The following ARMH3 variants were observed in gnomAD, a reference collection of about 807,000 sequenced individuals.
ARMH3 encodes armadillo-like helical domain-containing protein 3.
In ARMH3, 60 loss-of-function variants were observed where a neutral mutation model predicts 99.1. The observed-to-expected ratio is 0.61, with a 90% CI of 0.49 to 0.75. The LOEUF (loss-of-function observed/expected upper bound fraction) is 0.75. Ranked by LOEUF, ARMH3 falls within the 30% of genes least tolerant of loss-of-function variation. The pLI, the probability that ARMH3 is intolerant of heterozygous loss-of-function variation, is 0.00. For missense variants in ARMH3, 679 were observed against 843.1 expected, an observed-to-expected ratio of 0.81 and a Z score of 2.41; for synonymous variants, 285 against 292.8, an observed-to-expected ratio of 0.97 and a Z score of 0.27.
At chr10:101,993,199 A>G (rs1846883392) in intron 17 of ARMH3, among the ~76,000 whole-genome samples, 1 of 151,464 alleles carries the variant, frequency 6.6e-6, no homozygotes, top group Non-Finnish European at 1.5e-5. Flanking sequence ...TGAGCCCAAG[A>G]GGCAGAGGTT....
At chr10:102,007,225 A>T (rs2066519741) in intron 13 of ARMH3, among the ~76,000 whole-genome samples, 1 of 146,842 alleles carries the variant, frequency 6.8e-6, no homozygotes, top group South Asian at 2.2e-4. Context: ...CGTTCTCATG[A>T]GTACTTGATT....
chr10:102,025,149 C>A lies in ARMH3; in HGVS notation c.507+7G>T. On this transcript the variant is annotated splice_region_variant and intron_variant, in intron 6 of 25. Transcript: ENST00000370033. Reference sequence around the variant, plus strand: ...ATTAATACCCTTGACAAACATAGGTCACTTACGGTCACTAAGCAAAGGAGA... The same window carrying A: ...ATTAATACCCTTGACAAACATAGGTAACTTACGGTCACTAAGCAAAGGAGA... 6.2e-7 allele frequency: 1 copy of A among 1,606,456 alleles called. No individual in the cohort carries two copies. The highest frequency in any genetic ancestry group is 1.1e-5 in the South Asian group (1 of 90,856).
At chr10:102,021,378 C>T (rs990615700) in intron 8 of ARMH3, among the ~76,000 whole-genome samples, 2 of 150,682 alleles carry the variant, frequency 1.3e-5, no homozygotes, top group Admixed American at 6.6e-5. Flanking sequence ...CCGTCCCCAG[C>T]CTTAGATTTT....
intron 20 of ARMH3, among the ~76,000 whole-genome samples, chr10:101,961,834 A>T (rs1327859065): frequency 6.6e-6 from 1 of 152,246 alleles, no homozygotes; most frequent in African/African-American, 2.4e-5. Flanking sequence ...AAATAAGGGG[A>T]TGATTGCATA....
chr10:101,904,569 A>G (rs1480161429), intron 23 of ARMH3, among the ~76,000 whole-genome samples: 3 of 152,170 alleles, frequency 2.0e-5, no homozygotes, highest in African/African-American at 7.2e-5. Context: ...TCAAAGCCCC[A>G]TTTTGGATAA....
At chr10:102,040,241 T>A (rs990368803) in intron 1 of ARMH3, 116 bp from the exon 2 acceptor site, 6 of 836,798 alleles carry the variant, frequency 7.2e-6, no homozygotes, top group South Asian at 1.5e-5. Flanking sequence ...CAAGAGTGAA[T>A]CCTAATGTAA....
At chr10:101,940,630 T>C in intron 22 of ARMH3, among the ~76,000 whole-genome samples, 1 of 152,082 alleles carries the variant, frequency 6.6e-6, no homozygotes, top group South Asian at 2.1e-4. Context: ...GGTCCCGGTG[T>C]GTGATGTTCC....
intron 19 of ARMH3, among the ~76,000 whole-genome samples, chr10:101,986,081 T>C (rs1846487963): frequency 1.3e-5 from 2 of 152,040 alleles, no homozygotes; most frequent in South Asian, 4.1e-4. Context: ...CACATATGTA[T>C]GTACTGGCAG....
intron 18 of ARMH3, among the ~76,000 whole-genome samples, chr10:101,991,049 G>A (rs1846766153): frequency 6.6e-6 from 1 of 152,172 alleles, no homozygotes; most frequent in African/African-American, 2.4e-5. Flanking sequence ...TTACTATCAT[G>A]CTCAGTTAGA....
At chr10:101,927,666 A>G (rs1396100792) in intron 23 of ARMH3, among the ~76,000 whole-genome samples, 1 of 152,194 alleles carries the variant, frequency 6.6e-6, no homozygotes, top group Non-Finnish European at 1.5e-5. Context: ...ACTAAGTTTC[A>G]GCCTATAATC....
intron 22 of ARMH3, among the ~76,000 whole-genome samples, chr10:101,951,142 G>A (rs1165264345): frequency 6.6e-6 from 1 of 152,182 alleles, no homozygotes; most frequent in Admixed American, 6.5e-5. Flanking sequence ...AAACATTCGT[G>A]AGAAAAATCA....
intron 23 of ARMH3, among the ~76,000 whole-genome samples, chr10:101,932,871 C>A (rs1172656771): frequency 2.0e-5 from 3 of 152,134 alleles, no homozygotes; most frequent in Admixed American, 6.5e-5. Context: ...AATGTACTTA[C>A]CATTAAACTG....
intron 24 of ARMH3, among the ~76,000 whole-genome samples, chr10:101,857,855 C>T (rs1219632788): frequency 6.6e-6 from 1 of 152,150 alleles, no homozygotes; most frequent in Non-Finnish European, 1.5e-5. Flanking sequence ...TTTAGCCTCC[C>T]ACTCTTCCTC....
chr10:101,850,036 G>T, intron 24 of ARMH3, 144 bp from the exon 25 acceptor site: 1 of 600,720 alleles, frequency 1.7e-6, no homozygotes, highest in Non-Finnish European at 2.9e-6. Context: ...CCAGAAAACA[G>T]CCTGGCTACA....
intron 24 of ARMH3, among the ~76,000 whole-genome samples, chr10:101,860,513 G>A (rs927662537): frequency 8.5e-5 from 13 of 152,176 alleles, no homozygotes; most frequent in Non-Finnish European, 1.6e-4. Flanking sequence ...AGACATATAG[G>A]TGTTTGGGGA....
At chr10:101,917,314 T>C (rs903176215) in intron 23 of ARMH3, among the ~76,000 whole-genome samples, 1 of 152,236 alleles carries the variant, frequency 6.6e-6, no homozygotes, top group African/African-American at 2.4e-5. Flanking sequence ...CCCTATAGTT[T>C]TGCCATTTCC....
intron 24 of ARMH3, among the ~76,000 whole-genome samples, chr10:101,865,505 T>G (rs2135338022): frequency 6.6e-6 from 1 of 152,244 alleles, no homozygotes; most frequent in South Asian, 2.1e-4. Context: ...TTTTTCTTTT[T>G]TGAGACAGAG....
chr10:102,010,099 T>G (rs1342415932), intron 11 of ARMH3, 76 bp from the exon 12 acceptor site: 1 of 1,422,052 alleles, frequency 7.0e-7, no homozygotes, highest in African/African-American at 1.4e-5. Flanking sequence ...AAGCCTTTTA[T>G]CAGTGAAGAA....
At chr10:101,869,426 C>G (rs896219046) in intron 24 of ARMH3, among the ~76,000 whole-genome samples, 1 of 152,090 alleles carries the variant, frequency 6.6e-6, no homozygotes, top group Non-Finnish European at 1.5e-5. Context: ...TTCTGACCAT[C>G]AGGGAATTAA....
Sources: allele counts gnomAD v4.1 joint callset (sites outside exome capture counted in the v4.1 genomes callset), GRCh38; gene constraint gnomAD v4.1.1; transcripts MANE v1.5; gene names NCBI Gene and HGNC (gene_info 2026-07-23, HGNC 2026-07-21).